ADGRG5: variants seen among roughly 807,000 people sequenced by gnomAD.
ADGRG5 encodes the protein G protein-coupled receptor 114.
Under a neutral mutation model 53.2 loss-of-function variants are expected in ADGRG5, and 37 were observed. The observed-to-expected ratio is 0.70, with a 90% CI of 0.53 to 0.91. The LOEUF is 0.91. Among genes scored for constraint, ADGRG5 ranks in the 40% least tolerant of loss-of-function variants. The pLI is 0.00. For synonymous variants in ADGRG5, 277 were observed against 290.4 expected, an observed-to-expected ratio of 0.95 and a Z score of 0.47; for missense variants, 614 against 675.8, an observed-to-expected ratio of 0.91 and a Z score of 1.01.
chr16:57,550,441 G>T (rs560623085), intron 1 of ADGRG5, among the ~76,000 whole-genome samples: 5 of 152,252 alleles, frequency 3.3e-5, no homozygotes, highest in East Asian at 3.9e-4. Context: ...CCCAGTCTGT[G>T]GCTTATCTTC....
chr16:57,566,925 G>A (rs373328758), intron 7 of ADGRG5, among the ~76,000 whole-genome samples, 174 bp downstream of exon 7: 2 of 152,186 alleles, frequency 1.3e-5, no homozygotes, highest in Non-Finnish European at 2.9e-5. Flanking sequence ...TAGGCTTCAG[G>A]CATGGCTTGA....
At chr16:57,568,835 T>C (rs1280135072) in intron 9 of ADGRG5, among the ~76,000 whole-genome samples, 20 of 109,752 alleles carry the variant, frequency 1.8e-4, no homozygotes, top group South Asian at 3.3e-4. Context: ...TCCACCTCCA[T>C]CACCTCCATC....
upstream of ADGRG5, among the ~76,000 whole-genome samples, chr16:57,538,330 C>T (rs1280455138): frequency 2.6e-5 from 4 of 152,118 alleles, no homozygotes; most frequent in Non-Finnish European, 4.4e-5. Context: ...CTGGACTGGG[C>T]ACGGCGGCTC....
intron 8 of ADGRG5, 65 bp downstream of exon 8, chr16:57,567,656 A>G: frequency 6.3e-7 from 1 of 1,576,202 alleles, no homozygotes. Flanking sequence ...CTTGTGTCCC[A>G]TTTAGTCCAC....
In ADGRG5 at chr16:57,566,736, C is replaced by G; in HGVS notation, c.684C>G (p.Tyr228Ter). Reference protein sequence around the residue: ...QVLCRCNHLTYFAVLMQLSPA... With the variant: ...QVLCRCNHLT ...TCTGCCGCTGCAACCACCTCACCTA[C>G]TTTGCTGTTCTCATGGTATGTATGC... The change falls in exon 7 of 12, where the codon TAC becomes TAG. Residue 228 changes from tyrosine (Y) to a stop codon, truncating the protein, a stop_gained. Transcript: ENST00000349457. LOFTEE classifies it high-confidence loss of function. 1 of 1,549,478 alleles carries G rather than the reference C, an allele frequency of 6.5e-7. No homozygotes were observed. Among genetic ancestry groups the G allele is most frequent in the South Asian group, 1.2e-5 (1 of 81,260 alleles).
At chr16:57,549,424 G>T (rs2032696631) in intron 1 of ADGRG5, among the ~76,000 whole-genome samples, 1 of 152,124 alleles carries the variant, frequency 6.6e-6, no homozygotes. Context: ...GAGTTTTGTG[G>T]CTCTCCCTCT....
At chr16:57,553,778 T>C (rs2032807152) in intron 1 of ADGRG5, among the ~76,000 whole-genome samples, 1 of 152,242 alleles carries the variant, frequency 6.6e-6, no homozygotes. Flanking sequence ...GGTCTGTAGT[T>C]ACCTTGTAAT....
At chr16:57,567,447 C>T (rs200769800) in intron 7 of ADGRG5, 23 bp from the exon 8 acceptor site, 146 of 1,603,746 alleles carry the variant, frequency 9.1e-5, no homozygotes, top group Non-Finnish European at 1.2e-4. Flanking sequence ...CTTCTGGCCT[C>T]CAGCCCCTCT....
At chr16:57,560,024 CA>C (rs1166790632) in intron 1 of ADGRG5, among the ~76,000 whole-genome samples, 1 of 152,132 alleles carries the variant, frequency 6.6e-6, no homozygotes, top group Non-Finnish European at 1.5e-5. Flanking sequence ...TAAGACATCT[CA>C]AAAAACAATT....
upstream of ADGRG5, among the ~76,000 whole-genome samples, chr16:57,538,538 C>T (rs72791638): frequency 0.096 from 14,645 of 152,150 alleles, 797 homozygotes; most frequent in East Asian, 0.22. Flanking sequence ...GTAACTGGCC[C>T]GGGGTCACCC....
chr16:57,565,146 G>A lies in ADGRG5; in HGVS notation c.542G>A (p.Ser181Asn). 6.2e-7 allele frequency: 1 copy of A among 1,603,436 alleles called. No homozygotes were observed. Among genetic ancestry groups the A allele is most frequent in the Non-Finnish European group, 8.5e-7 (1 of 1,170,382 alleles). ...AACATCAGCTTCTGGCACAACCAAA[G>A]CCTGGTACTGCTGGGGGCGCCCCCG... is the stretch of plus-strand genomic sequence containing the variant. ...PVNISFWHNQ[S>N]LEGYTLTCVF... Residue 181 changes from serine (S) to asparagine (N), a missense_variant, in exon 6 of 12, where the codon AGC becomes AAC. Ser to Asn is a conservative substitution (Grantham distance 46). Transcript: ENST00000349457.
intron 1 of ADGRG5, among the ~76,000 whole-genome samples, chr16:57,552,666 A>T (rs1205957954): frequency 6.6e-6 from 1 of 152,176 alleles, no homozygotes; most frequent in East Asian, 1.9e-4. Context: ...TATCAGCAAT[A>T]AGGTTGTTTT....
At position 57,575,866 on chromosome 16, in the gene ADGRG5, T is replaced by C. The variant is rs113144211; in HGVS notation, c.*328T>C. On this transcript the variant is annotated 3_prime_UTR_variant, in exon 12 of 12. Transcript: ENST00000349457. ...GTTTCAAGGACTGTCTTTGAGTCTG[T>C]CTGTATGACCTTGGGCCTGCCACTT... is the stretch of plus-strand genomic sequence containing the variant. The C allele has an allele frequency of 2.6e-4, 77 of 299,614 alleles. No individual in the cohort carries two copies. Among genetic ancestry groups the C allele is most frequent in the African/African-American group, 1.6e-3 (74 of 47,510 alleles). The allele number at this position is 299,614 out of a possible 1,614,324, so 18.6% of individuals were successfully genotyped here. A position where few individuals can be genotyped will look rare whatever the true frequency, so the allele number is the denominator to read the frequency against.
chr16:57,569,861 C>T (rs1037623964), intron 9 of ADGRG5, among the ~76,000 whole-genome samples: 17 of 151,858 alleles, frequency 1.1e-4, no homozygotes, highest in African/African-American at 4.1e-4. Flanking sequence ...GTCACCTCCT[C>T]CATCTTCTCC....
intron 1 of ADGRG5, among the ~76,000 whole-genome samples, chr16:57,552,546 CTTCATAGAA>C (rs2032779567): frequency 6.6e-6 from 1 of 152,168 alleles, no homozygotes; most frequent in Admixed American, 6.5e-5. Flanking sequence ...CCACCTTGGC[CTTCATAGAA>C]TTGAAGAGTT....
At position 57,574,879 on chromosome 16, in the gene ADGRG5, C is replaced by G. The variant is rs1178882288; in HGVS notation, c.1273C>G (p.Leu425Val). 4.3e-6 allele frequency: 7 copies of G among 1,612,152 alleles called. No homozygotes were observed. Among genetic ancestry groups the G allele is most frequent in the Non-Finnish European group, 5.9e-6 (7 of 1,179,640 alleles). ...CATGGGCTACGGCGGCCTCACGTCCCTCTTCAACCTGGTGGTGCTGGCCTG... is the reference window on the plus strand; with the variant it reads ...CATGGGCTACGGCGGCCTCACGTCCGTCTTCAACCTGGTGGTGCTGGCCTG... ...LVMGYGGLTSLFNLVVLAWAL... is the reference protein window; with the variant it reads ...LVMGYGGLTSVFNLVVLAWAL... The change falls in exon 11 of 12, where the codon CTC becomes GTC. Residue 425 changes from leucine to valine, a missense_variant. Coordinates refer to ENST00000349457, the MANE Select transcript of ADGRG5 (RefSeq NM_001304376.3). This position sits in a 1 kb window ranked among gnomAD's most constrained non-coding sequence, Gnocchi z 4.4.
chr16:57,536,799 G>T, the ADGRG5 span, among the ~76,000 whole-genome samples: 1 of 152,168 alleles, frequency 6.6e-6, no homozygotes, highest in Admixed American at 6.5e-5. Context: ...CCCAACGGAG[G>T]CCCCACCCCC....
chr16:57,570,596 G>A (rs2033326319), intron 10 of ADGRG5, 61 bp downstream of exon 10: 2 of 1,206,318 alleles, frequency 1.7e-6, no homozygotes, highest in South Asian at 2.4e-5. Context: ...ACATGGGCCT[G>A]GGGCTCCAAA....
In ADGRG5 at chr16:57,564,998, C is replaced by CAG; in HGVS notation, c.430-36_430-35insAG. On this transcript the variant is annotated intron_variant, in intron 5 of 11. Transcript: ENST00000349457. ...GACCTTACCCAGGGCCTCCCCATTTCCCCTCCACTCAGCCCTTCTCCTGCT... is the reference window on the plus strand; with the variant it reads ...GACCTTACCCAGGGCCTCCCCATTTCAGCCCTCCACTCAGCCCTTCTCCTGCT... 2.3e-6 allele frequency: 3 copies of CAG among 1,292,658 alleles called. No homozygotes were observed. The South Asian group carries it at 3.6e-5, about 16-fold the overall frequency. 80.1% of individuals were successfully genotyped at this position (1,292,658 alleles called of 1,614,324 possible).
Sources: gnomAD v4.1 joint callset for allele counts (sites outside exome capture counted in the v4.1 genomes callset) on GRCh38, gnomAD v4.1.1 for gene constraint, Gnocchi (gnomAD v3.1) non-coding constraint, MANE v1.5 for transcripts, NCBI Gene and HGNC (gene_info 2026-07-23, HGNC 2026-07-21) for gene names.